TSPEAR: variants seen among roughly 807,000 people sequenced by gnomAD.
The protein encoded by TSPEAR is thrombospondin type laminin G domain and EAR repeats.
Under a neutral mutation model 71.6 loss-of-function variants are expected in TSPEAR, and 69 were observed. The observed-to-expected ratio is 0.96, with a 90% CI of 0.79 to 1.18. The LOEUF (loss-of-function observed/expected upper bound fraction) is 1.18. TSPEAR is among the 50% of genes most tolerant of loss of function. The probability of loss-of-function intolerance (pLI) is 0.00; values close to 1 mark genes in which losing one functional copy is unlikely to be tolerated. For synonymous variants in TSPEAR, 402 were observed against 387.2 expected (o/e 1.04, Z -0.45); for missense variants, 971 against 894.9 (o/e 1.09, Z -1.09).
chr21:44,558,632 C>T (rs781969553), intron 2 of TSPEAR: 1 of 1,612,868 alleles, frequency 6.2e-7, no homozygotes, highest in African/African-American at 1.3e-5. Flanking sequence ...AGCAGGGGGG[C>T]TCACAGCAGC....
rs2052709972 is a variant in TSPEAR at position 44,520,360 on chromosome 21, G to C, written c.1566+1523C>G. The C allele has an allele frequency of 6.6e-6, 1 of 151,908 alleles. No homozygotes were observed. Among genetic ancestry groups the C allele is most frequent in the African/African-American group, 2.4e-5 (1 of 41,382 alleles). 9.4% of individuals were successfully genotyped at this position (151,908 alleles called of 1,614,324 possible). On this transcript the variant is annotated intron_variant, in intron 9 of 11. Coordinates refer to ENST00000323084, the MANE Select transcript of TSPEAR (RefSeq NM_144991.3). The surrounding 1 kb of genome is among the most constrained non-coding windows in gnomAD (Gnocchi z 4.2). ...CCTCACTTCCTCCTGGTGAGGGCTG[G>C]GAAAGTGGGGAGGGTGCTCCCTGAC...
At chr21:44,527,688 G>C (rs1466654998) in intron 6 of TSPEAR, among the ~76,000 whole-genome samples, 170 bp from the exon 7 acceptor site, 1 of 152,258 alleles carries the variant, frequency 6.6e-6, no homozygotes, top group Non-Finnish European at 1.5e-5. Flanking sequence ...CTGTCAAAGG[G>C]AGGCCACTCA....
intron 1 of TSPEAR, among the ~76,000 whole-genome samples, chr21:44,704,788 T>C (rs1555952054): frequency 6.6e-6 from 1 of 152,056 alleles, no homozygotes; most frequent in Admixed American, 6.5e-5. Context: ...GGAGATGTTT[T>C]CAGGAGAAAG....
chr21:44,697,131 T>A, intron 1 of TSPEAR: 2 of 1,575,786 alleles, frequency 1.3e-6, no homozygotes, highest in South Asian at 2.4e-5. Flanking sequence ...CTCCTTCCCA[T>A]CCAGCACCCA....
intron 1 of TSPEAR, among the ~76,000 whole-genome samples, chr21:44,615,840 T>A (rs1982056277): frequency 6.6e-6 from 1 of 152,172 alleles, no homozygotes; most frequent in Non-Finnish European, 1.5e-5. Flanking sequence ...GAGGTTCTCG[T>A]CTCATTTAAC....
intron 1 of TSPEAR, among the ~76,000 whole-genome samples, chr21:44,590,934 C>T (rs587748721): frequency 2.6e-5 from 4 of 152,214 alleles, no homozygotes; most frequent in Non-Finnish European, 4.4e-5. Context: ...GAAGGCATTG[C>T]TTCCTGCCTC....
intron 1 of TSPEAR, chr21:44,601,203 C>A: frequency 6.2e-7 from 1 of 1,602,474 alleles, no homozygotes; most frequent in Admixed American, 1.7e-5. Context: ...GTGAGCCCAG[C>A]CCCTGCCAAT....
Position 44,627,878 on chromosome 21 carries a change from G to A in TSPEAR, c.83-59873C>T, listed in dbSNP as rs377764173. On this transcript the variant is annotated intron_variant, in intron 1 of 11. Transcript: ENST00000323084. Reference sequence around the variant, plus strand: ...TCCTCCTCTGTGTCCCTCCTCTGCCGCCCTGTGTGCAGGCCCGCCTGCTGC... The same window carrying A: ...TCCTCCTCTGTGTCCCTCCTCTGCCACCCTGTGTGCAGGCCCGCCTGCTGC... 6.0e-5 allele frequency: 97 copies of A among 1,611,940 alleles called. No homozygotes were observed. Among genetic ancestry groups the A allele is most frequent in the East Asian group, 8.9e-5 (4 of 44,756 alleles).
At chr21:44,504,532 G>GGCAGCTCATTACCT in intron 11 of TSPEAR, among the ~76,000 whole-genome samples, 5 of 141,182 alleles carry the variant, frequency 3.5e-5, no homozygotes, top group African/African-American at 1.4e-4. Flanking sequence ...GGCCGGCCTC[G>GGCAGCTCATTACCT]GTGAGCCCAC....
In TSPEAR at chr21:44,517,475, G is replaced by C. The variant is rs138104441; in HGVS notation, c.1566+4408C>G. The C allele has an allele frequency of 1.9e-4, 54 of 287,462 alleles. No homozygotes were observed. The East Asian group carries it at 5.2e-3, about 28-fold the overall frequency. The allele number at this position is 287,462 out of a possible 1,614,324, so 17.8% of individuals were successfully genotyped here. A position where few individuals can be genotyped will look rare whatever the true frequency, so the allele number is the denominator to read the frequency against. ...CTGTGAGGACGTGAGCACAGGTCCA[G>C]CTAGGCTGGGTCATATGACAAGCAT... is the stretch of plus-strand genomic sequence containing the variant. On this transcript the variant is annotated intron_variant, in intron 9 of 11. Transcript: ENST00000323084.
chr21:44,627,038 C>T (rs1428310706), intron 1 of TSPEAR: 4 of 1,373,850 alleles, frequency 2.9e-6, no homozygotes, highest in South Asian at 1.4e-5. Context: ...AAGCTGTGGG[C>T]CCTGGAACAA....
intron 2 of TSPEAR, among the ~76,000 whole-genome samples, chr21:44,540,806 C>T (rs1376987661): frequency 2.0e-5 from 3 of 152,158 alleles, no homozygotes; most frequent in Non-Finnish European, 4.4e-5. Flanking sequence ...CGGCCTTCCC[C>T]GAGGTCCACT....
chr21:44,508,564 A>G, intron 10 of TSPEAR: 1 of 1,148,996 alleles, frequency 8.7e-7, no homozygotes, highest in Non-Finnish European at 1.1e-6. Flanking sequence ...AGGACGCCCC[A>G]CACTGGTCAG....
intron 1 of TSPEAR, among the ~76,000 whole-genome samples, chr21:44,705,565 A>G (rs1176502405): frequency 6.6e-6 from 1 of 152,188 alleles, no homozygotes; most frequent in African/African-American, 2.4e-5. Flanking sequence ...AGGTCTCTGA[A>G]CTGGCCCCCC....
intron 1 of TSPEAR, chr21:44,627,059 AG>A: frequency 6.7e-7 from 1 of 1,491,000 alleles, no homozygotes; most frequent in Non-Finnish European, 9.1e-7. Context: ...CAAGGCCAGG[AG>A]GGGTATAAAA....
intron 1 of TSPEAR, among the ~76,000 whole-genome samples, chr21:44,679,773 A>G (rs1397961363): frequency 2.6e-5 from 4 of 152,240 alleles, no homozygotes; most frequent in Admixed American, 6.5e-5. Context: ...AGGTGCCAAG[A>G]ACATACAATA....
chr21:44,645,233 C>A (rs587753410), intron 1 of TSPEAR, among the ~76,000 whole-genome samples: 1 of 152,130 alleles, frequency 6.6e-6, no homozygotes, highest in Admixed American at 6.5e-5. Flanking sequence ...TCAAATAAAA[C>A]AAAGAGCCTC....
At chr21:44,544,029 C>T (rs782173815) in intron 2 of TSPEAR, among the ~76,000 whole-genome samples, 21 of 152,184 alleles carry the variant, frequency 1.4e-4, no homozygotes, top group Non-Finnish European at 2.9e-4. Flanking sequence ...TAAACTCAAA[C>T]GTATCAGCAA....
intron 2 of TSPEAR, chr21:44,557,695 TGCAG>T: frequency 3.3e-6 from 1 of 298,556 alleles, no homozygotes; most frequent in Non-Finnish European, 6.3e-6. Flanking sequence ...TCAGCCTGGA[TGCAG>T]CTCAAGGCCA....
Sources: allele counts gnomAD v4.1 joint callset (sites outside exome capture counted in the v4.1 genomes callset), GRCh38; gene constraint gnomAD v4.1.1; non-coding constraint Gnocchi (gnomAD v3.1); transcripts MANE v1.5; gene names NCBI Gene and HGNC (gene_info 2026-07-23, HGNC 2026-07-21).